The following MTUS2 variants were observed in gnomAD, a reference collection of about 807,000 sequenced individuals.
MTUS2 encodes the protein microtubule associated scaffold protein 2, also known as microtubule-associated tumor suppressor candidate 2.
In MTUS2, 40 loss-of-function variants were observed where a neutral mutation model predicts 114.1. The ratio of observed to expected loss-of-function variants is 0.35; its 90% CI spans 0.27 to 0.46. The LOEUF is 0.46. Ranked by LOEUF, MTUS2 falls within the 20% of genes least tolerant of loss-of-function variation. MTUS2 has a pLI of 1.00. For missense variants in MTUS2, 1,679 were observed against 1,705.4 expected (o/e 0.98, Z 0.27); for synonymous variants, 688 against 672.0 (o/e 1.02, Z -0.37).
At chr13:29,077,061 T>C (rs1306010443) in intron 4 of MTUS2, among the ~76,000 whole-genome samples, 5 of 152,162 alleles carry the variant, frequency 3.3e-5, no homozygotes, top group African/African-American at 1.2e-4. Flanking sequence ...AGAGTTTGAG[T>C]CTTTCTTGAG....
intron 2 of MTUS2, among the ~76,000 whole-genome samples, chr13:28,941,848 A>AT (rs963281285): frequency 6.6e-6 from 1 of 152,156 alleles, no homozygotes. Flanking sequence ...ACTTTAAATT[A>AT]TTTTTTACTA....
At chr13:28,838,550 TCTTCCCCACG>T (rs1875248169) in intron 1 of MTUS2, among the ~76,000 whole-genome samples, 1 of 152,190 alleles carries the variant, frequency 6.6e-6, no homozygotes, top group Non-Finnish European at 1.5e-5. Flanking sequence ...AGTGGGCAGC[TCTTCCCCACG>T]CTTCCCTCTG....
intron 6 of MTUS2, chr13:29,307,071 C>T (rs761417856): frequency 1.6e-5 from 8 of 487,220 alleles, no homozygotes; most frequent in Non-Finnish European, 3.2e-5. Context: ...GTGTGGAGTC[C>T]ACCAGCATCT....
At chr13:29,232,990 A>C (rs1896392643) in intron 5 of MTUS2, among the ~76,000 whole-genome samples, 1 of 152,218 alleles carries the variant, frequency 6.6e-6, no homozygotes, top group South Asian at 2.1e-4. Context: ...TCCAAAAAGA[A>C]AACAAAAGGA....
chr13:29,476,176 T>G (rs746961173), intron 9 of MTUS2, among the ~76,000 whole-genome samples: 20 of 152,360 alleles, frequency 1.3e-4, no homozygotes, highest in African/African-American at 4.3e-4. Flanking sequence ...CTAGGAACAG[T>G]AGGCTACACC....
In MTUS2 at chr13:29,389,770, TAC is replaced by T. The variant is rs1873165694; in HGVS notation, c.3117+30299_3117+30300del. On this transcript the variant is annotated intron_variant, in intron 8 of 15. Transcript: ENST00000612955. ...ACATACATATGTGTGTATATGTATA[TAC>T]ATACATATGTGTGTATATGTATATA... 1.8e-5 allele frequency among the ~76,000 whole-genome samples: 2 copies of T among 112,074 alleles called. 1 individual carries two copies. The highest frequency in any genetic ancestry group is 7.5e-5 in the African/African-American group (2 of 26,646). The allele number at this position is 112,074 out of a possible 152,430, so 73.5% of individuals were successfully genotyped here.
In MTUS2 at chr13:29,000,192, C is replaced by G. The variant is rs186302385; in HGVS notation, c.-242-24265C>G. ...CTATTTTTAGTTTTTTGAGAAATCT[C>G]CATACTGGTTTCCATAGCAGTTATA... is the stretch of plus-strand genomic sequence containing the variant. On this transcript the variant is annotated intron_variant, in intron 2 of 15. Transcript: ENST00000612955. 2.2e-3 allele frequency among the ~76,000 whole-genome samples: 333 copies of G among 152,288 alleles called. 2 individuals carry two copies. Among genetic ancestry groups the G allele is most frequent in the African/African-American group, 7.2e-3 (299 of 41,556 alleles).
At chr13:29,165,723 A>G (rs1342997052) in intron 5 of MTUS2, among the ~76,000 whole-genome samples, 1 of 152,230 alleles carries the variant, frequency 6.6e-6, no homozygotes, top group East Asian at 1.9e-4. Context: ...TCTGCTATTA[A>G]TGCAACATTA....
chr13:29,464,394 G>T (rs1327795637), intron 9 of MTUS2, among the ~76,000 whole-genome samples: 1 of 152,254 alleles, frequency 6.6e-6, no homozygotes, highest in Non-Finnish European at 1.5e-5. Flanking sequence ...AGAACAGGAA[G>T]ATCTAGAATT....
chr13:29,107,394 G>T (rs1228953277), intron 5 of MTUS2, among the ~76,000 whole-genome samples: 2 of 151,948 alleles, frequency 1.3e-5, no homozygotes, highest in Non-Finnish European at 2.9e-5. Context: ...CTTATGTAAG[G>T]GTATGGAAAA....
chr13:29,063,923 C>G (rs2138658295), intron 4 of MTUS2, among the ~76,000 whole-genome samples: 1 of 152,270 alleles, frequency 6.6e-6, no homozygotes, highest in East Asian at 1.9e-4. Context: ...TGGATGTTAA[C>G]ATCAGATCCT....
intron 9 of MTUS2, among the ~76,000 whole-genome samples, chr13:29,443,484 T>C (rs1182779347): frequency 1.3e-5 from 2 of 152,178 alleles, no homozygotes; most frequent in Admixed American, 6.5e-5. Flanking sequence ...GTGCCAAGAA[T>C]AGAACCAGAA....
At chr13:28,999,265 G>T (rs933588980) in intron 2 of MTUS2, among the ~76,000 whole-genome samples, 5 of 152,154 alleles carry the variant, frequency 3.3e-5, no homozygotes, top group Non-Finnish European at 7.3e-5. Flanking sequence ...TGTCTCAGAG[G>T]AGTACCTGGC....
intron 2 of MTUS2, among the ~76,000 whole-genome samples, chr13:28,862,061 A>C (rs1031782591): frequency 1.3e-5 from 2 of 152,160 alleles, no homozygotes; most frequent in African/African-American, 4.8e-5. Flanking sequence ...TGACCCTAAC[A>C]CATGCATGTG....
intron 6 of MTUS2, among the ~76,000 whole-genome samples, chr13:29,311,498 A>G (rs1181821140): frequency 1.3e-5 from 2 of 152,222 alleles, no homozygotes; most frequent in East Asian, 3.8e-4. Context: ...ATGCATTTAA[A>G]TGGTTATGGC....
At chr13:29,305,004 C>T (rs1899378249) in intron 6 of MTUS2, among the ~76,000 whole-genome samples, 2 of 152,058 alleles carry the variant, frequency 1.3e-5, no homozygotes, top group African/African-American at 4.8e-5. Flanking sequence ...TTAAAAACTA[C>T]ATGGAAATGG....
intron 6 of MTUS2, among the ~76,000 whole-genome samples, chr13:29,283,097 G>C (rs1446987491): frequency 6.6e-6 from 1 of 152,144 alleles, no homozygotes; most frequent in Non-Finnish European, 1.5e-5. Flanking sequence ...TTTCAGAGAG[G>C]CTCCACCCAT....
intron 5 of MTUS2, among the ~76,000 whole-genome samples, chr13:29,262,830 A>G (rs563499696): frequency 6.6e-6 from 1 of 152,282 alleles, no homozygotes; most frequent in South Asian, 2.1e-4. Context: ...AGGATCTCAT[A>G]AAATATGGTG....
In MTUS2 at chr13:29,100,784, A is replaced by G; in HGVS notation, c.2458A>G (p.Lys820Glu). ...TGGGTTCGTTTTAGCAGATTTAAAGAAAGCTTCCAGTTCAAATGCTGCAAA... is the reference window on the plus strand; with the variant it reads ...TGGGTTCGTTTTAGCAGATTTAAAGGAAGCTTCCAGTTCAAATGCTGCAAA... The part of the protein sequence containing the change: ...YSSDPSADLK[K>E]ASSSNAAKSN... Residue 820 changes from lysine (K) to glutamate (E), a missense_variant, in exon 5 of 16, where the codon AAA becomes GAA. By Grantham distance (56) the Lys-to-Glu change is moderately conservative. This residue lies in a region of MTUS2 where 822 missense variants were observed against 899.7 expected (regional missense o/e 0.91). Transcript: ENST00000612955. The G allele has an allele frequency of 1.9e-6, 3 of 1,551,536 alleles. No homozygotes were observed. Among genetic ancestry groups the G allele is most frequent in the Non-Finnish European group, 2.6e-6 (3 of 1,146,986 alleles).
Sources: gnomAD v4.1 joint callset for allele counts (sites outside exome capture counted in the v4.1 genomes callset) on GRCh38, gnomAD v4.1.1 for gene constraint, gnomAD v4.1.1 regional missense constraint, MANE v1.5 for transcripts, NCBI Gene and HGNC (gene_info 2026-07-23, HGNC 2026-07-21) for gene names.